CADPS: variants seen among roughly 807,000 people sequenced by gnomAD.
CADPS encodes the protein calcium dependent secretion activator.
In CADPS, 57 loss-of-function variants were observed where a neutral mutation model predicts 167.3. That is an observed-to-expected ratio of 0.34 (90% confidence interval 0.28 to 0.42). The LOEUF (loss-of-function observed/expected upper bound fraction) is 0.42. Among genes scored for constraint, CADPS ranks in the 20% least tolerant of loss-of-function variants. The probability of loss-of-function intolerance (pLI) is 1.00; values close to 1 mark genes in which losing one functional copy is unlikely to be tolerated. For synonymous variants in CADPS, 676 were observed against 635.3 expected, an observed-to-expected ratio of 1.06 and a Z score of -0.96; for missense variants, 1,414 against 1,738.1, an observed-to-expected ratio of 0.81 and a Z score of 3.32.
At chr3:62,415,712 A>T (rs1448485934) in intron 28 of CADPS, among the ~76,000 whole-genome samples, 16 of 152,100 alleles carry the variant, frequency 1.1e-4, no homozygotes, top group African/African-American at 3.4e-4. Flanking sequence ...CATACAACAG[A>T]TTGAGCCTCG....
intron 1 of CADPS, among the ~76,000 whole-genome samples, chr3:62,777,416 G>A (rs866764915): frequency 6.6e-6 from 1 of 152,156 alleles, no homozygotes; most frequent in Non-Finnish European, 1.5e-5. Context: ...GACCTTGGCT[G>A]GTTGTTCTAA....
At chr3:62,785,749 T>G (rs1559611840) in intron 1 of CADPS, among the ~76,000 whole-genome samples, 1 of 152,132 alleles carries the variant, frequency 6.6e-6, no homozygotes, top group Non-Finnish European at 1.5e-5. Flanking sequence ...CCTTTCCCAG[T>G]GCAAATAGGA....
intron 1 of CADPS, among the ~76,000 whole-genome samples, chr3:62,870,594 C>T (rs947472451): frequency 6.6e-6 from 1 of 152,118 alleles, no homozygotes; most frequent in Non-Finnish European, 1.5e-5. Flanking sequence ...CATTTGTCCT[C>T]TTGAATGAAA....
intron 3 of CADPS, among the ~76,000 whole-genome samples, chr3:62,746,424 C>T (rs1047346103): frequency 6.6e-5 from 10 of 152,124 alleles, no homozygotes; most frequent in African/African-American, 2.4e-4. Context: ...CAGCCTTCAC[C>T]TCCTGGTCTC....
rs188828745 is a variant in CADPS at position 62,560,605 on chromosome 3, A to C, written c.1645-3092T>G. Among the ~76,000 whole-genome samples the C allele has an allele frequency of 1.7e-3, 259 of 152,214 alleles. 1 individual carries two copies. Among genetic ancestry groups the C allele is most frequent in the African/African-American group, 5.9e-3 (244 of 41,530 alleles). On this transcript the variant is annotated intron_variant, in intron 9 of 29. Transcript: ENST00000383710. ...GAACTCTGTCTTTCACATCCTTGGGATTTTCATAGGGTAGGTACCTTCTCA... is the reference window on the plus strand; with the variant it reads ...GAACTCTGTCTTTCACATCCTTGGGCTTTTCATAGGGTAGGTACCTTCTCA...
chr3:62,607,761 G>T (rs1030569442), intron 6 of CADPS, among the ~76,000 whole-genome samples: 4 of 152,192 alleles, frequency 2.6e-5, no homozygotes, highest in African/African-American at 9.6e-5. Context: ...TACTGAAGGG[G>T]ACCCCTGAGG....
In CADPS at chr3:62,857,825, T is replaced by G. The variant is rs564258173; in HGVS notation, c.441+16764A>C. On this transcript the variant is annotated intron_variant, in intron 1 of 29. Coordinates refer to ENST00000383710, the MANE Select transcript of CADPS (RefSeq NM_003716.4). Reference sequence around the variant, plus strand: ...TTTTTGTTTATAGAAACTGTAAAATTTAATATTTTAATGAATTCATTTTGC... The same window carrying G: ...TTTTTGTTTATAGAAACTGTAAAATGTAATATTTTAATGAATTCATTTTGC... Among the ~76,000 whole-genome samples the G allele has an allele frequency of 2.6e-5, 4 of 152,164 alleles. No homozygotes were observed. In the South Asian group the frequency reaches 8.3e-4, roughly 32 times the overall value.
At chr3:62,577,646 T>C (rs1225842279) in intron 8 of CADPS, among the ~76,000 whole-genome samples, 1 of 152,264 alleles carries the variant, frequency 6.6e-6, no homozygotes, top group African/African-American at 2.4e-5. Context: ...TAGCTGTAGC[T>C]ATTAACCATG....
intron 2 of CADPS, among the ~76,000 whole-genome samples, chr3:62,765,513 G>A (rs1251552938): frequency 6.6e-6 from 1 of 152,104 alleles, no homozygotes; most frequent in Non-Finnish European, 1.5e-5. Context: ...CACAGGTTGT[G>A]ATTTTTCATA....
intron 3 of CADPS, among the ~76,000 whole-genome samples, chr3:62,745,307 A>C (rs28459151): frequency 0.18 from 27,887 of 152,044 alleles, 2,676 homozygotes; most frequent in Middle Eastern, 0.24. Flanking sequence ...TCCTCGTCTC[A>C]AGTGATCCAC....
At chr3:62,571,406 A>C (rs1346295230) in intron 8 of CADPS, among the ~76,000 whole-genome samples, 3 of 152,144 alleles carry the variant, frequency 2.0e-5, no homozygotes, top group Admixed American at 6.5e-5. Flanking sequence ...AGCAAATTCC[A>C]AGTCAACATA....
At chr3:62,643,193 A>G (rs149826563) in intron 6 of CADPS, among the ~76,000 whole-genome samples, 10 of 152,322 alleles carry the variant, frequency 6.6e-5, no homozygotes, top group African/African-American at 2.4e-4. Flanking sequence ...TTGGGATACT[A>G]TAGAAATGGC....
intron 27 of CADPS, chr3:62,439,544 T>A (rs911958669): frequency 6.6e-6 from 1 of 152,220 alleles, no homozygotes; most frequent in Non-Finnish European, 1.5e-5. Flanking sequence ...TGCAGTTTTA[T>A]GATACAAAAC....
chr3:62,482,815 T>C (rs1021689362), intron 21 of CADPS, among the ~76,000 whole-genome samples: 1 of 152,234 alleles, frequency 6.6e-6, no homozygotes, highest in Non-Finnish European at 1.5e-5. Flanking sequence ...AATCAAGCTC[T>C]GTATTTTTCT....
rs959863656 is a variant in CADPS at position 62,458,319 on chromosome 3, G to A, written c.3636+7048C>T. 7.2e-5 allele frequency among the ~76,000 whole-genome samples: 11 copies of A among 152,018 alleles called. No individual in the cohort carries two copies. Among genetic ancestry groups the A allele is most frequent in the East Asian group, 1.9e-4 (1 of 5,180 alleles). On this transcript the variant is annotated intron_variant, in intron 26 of 29. Transcript: ENST00000383710. This position sits in a 1 kb window ranked among gnomAD's most constrained non-coding sequence, Gnocchi z 4.6. ...CAGAAACGGTCAATAGCCTGCCTAC[G>A]TTTCTGTTAGTCTGGGCTTCACAGT...
At chr3:62,786,217 AAAATAAAAAT>A (rs1478049367) in intron 1 of CADPS, among the ~76,000 whole-genome samples, 1 of 152,192 alleles carries the variant, frequency 6.6e-6, no homozygotes, top group Non-Finnish European at 1.5e-5. Flanking sequence ...TGCTCAAAAT[AAAATAAAAAT>A]AAATAAAAAT....
chr3:62,645,764 C>A lies in CADPS; in HGVS notation c.1283G>T (p.Gly428Val). 1 of 1,614,104 alleles carries A rather than the reference C, an allele frequency of 6.2e-7. No homozygotes were observed. Among genetic ancestry groups the A allele is most frequent in the Non-Finnish European group, 8.5e-7 (1 of 1,179,976 alleles). ...IVYCTMEVEG[G>V]EKLQTDQAEA... ...GGCCTGATCAGTCTGTAGTTTCTCT[C>A]CTCCTTCCACCTCCATTGTGCAATA... Residue 428 changes from glycine to valine, a missense_variant, in exon 6 of 30, where the codon GGA (glycine) becomes GTA (valine). Gly to Val is a moderately radical substitution (Grantham distance 109, BLOSUM62 -3). Around this residue, in one of 6 missense-constraint regions of CADPS, gnomAD observed 157 missense variants for 229.4 expected, o/e 0.68. Coordinates refer to ENST00000383710, the MANE Select transcript of CADPS (RefSeq NM_003716.4).
At chr3:62,750,663 C>A (rs2082500863) in intron 3 of CADPS, among the ~76,000 whole-genome samples, 1 of 152,126 alleles carries the variant, frequency 6.6e-6, no homozygotes, top group Non-Finnish European at 1.5e-5. Flanking sequence ...TAGAGATAAG[C>A]ACAGTTAACA....
At chr3:62,862,529 T>A (rs2080998116) in intron 1 of CADPS, among the ~76,000 whole-genome samples, 1 of 152,164 alleles carries the variant, frequency 6.6e-6, no homozygotes. Context: ...TTTTCAGGGA[T>A]TCCTCTGAAT....
Sources: allele counts gnomAD v4.1 joint callset (sites outside exome capture counted in the v4.1 genomes callset), GRCh38; gene constraint gnomAD v4.1.1; regional missense constraint gnomAD v4.1.1; non-coding constraint Gnocchi (gnomAD v3.1); transcripts MANE v1.5; gene names NCBI Gene and HGNC (gene_info 2026-07-23, HGNC 2026-07-21).